Variants in LRRC3B observed in about 807,000 individuals in gnomAD.
The protein encoded by LRRC3B is leucine-rich repeat-containing protein 3B.
A neutral mutation model predicts 12.8 loss-of-function variants in LRRC3B; 2 were observed. The ratio of observed to expected loss-of-function variants is 0.16; its 90% CI spans 0.06 to 0.49. The LOEUF is 0.49. Among genes scored for constraint, LRRC3B ranks in the 20% least tolerant of loss-of-function variants. The pLI is 0.96. For synonymous variants in LRRC3B, 132 were observed against 122.0 expected (o/e 1.08, Z -0.54); for missense variants, 189 against 319.4 (o/e 0.59, Z 3.11).
At chr3:26,631,923 C>T (rs1287574478) in intron 1 of LRRC3B, among the ~76,000 whole-genome samples, 3 of 152,198 alleles carry the variant, frequency 2.0e-5, no homozygotes, top group Admixed American at 1.3e-4. Context: ...ATGTGTCTGA[C>T]ATTGTTTTAT....
chr3:26,704,324 G>T (rs1286300680), intron 1 of LRRC3B, among the ~76,000 whole-genome samples: 1 of 151,992 alleles, frequency 6.6e-6, no homozygotes, highest in Non-Finnish European at 1.5e-5. Context: ...TTGCTCGTAT[G>T]ACAAGAGTGC....
At chr3:26,645,951 C>T (rs1037881801) in intron 1 of LRRC3B, among the ~76,000 whole-genome samples, 1 of 152,124 alleles carries the variant, frequency 6.6e-6, no homozygotes, top group African/African-American at 2.4e-5. Context: ...GAAACTTGAC[C>T]ATTCTGCTGG....
At chr3:26,634,867 G>A (rs1292221995) in intron 1 of LRRC3B, among the ~76,000 whole-genome samples, 4 of 152,162 alleles carry the variant, frequency 2.6e-5, no homozygotes, top group African/African-American at 7.2e-5. Context: ...CATTGGGCCT[G>A]GTTAAAAGCT....
chr3:26,631,567 A>G (rs1294137779), intron 1 of LRRC3B, among the ~76,000 whole-genome samples: 1 of 152,192 alleles, frequency 6.6e-6, no homozygotes, highest in East Asian at 1.9e-4. Flanking sequence ...CATGTTATCC[A>G]GTGTTGGGAG....
chr3:26,704,782 T>C (rs919392941), intron 1 of LRRC3B, among the ~76,000 whole-genome samples: 1 of 152,184 alleles, frequency 6.6e-6, no homozygotes, highest in Non-Finnish European at 1.5e-5. Flanking sequence ...TGTTTTGTCA[T>C]TTGTTCTTTG....
At chr3:26,696,238 T>G (rs1196674028) in intron 1 of LRRC3B, among the ~76,000 whole-genome samples, 1 of 152,266 alleles carries the variant, frequency 6.6e-6, no homozygotes, top group African/African-American at 2.4e-5. Flanking sequence ...ACATGGCAAT[T>G]GTAAAATGAT....
intron 1 of LRRC3B, among the ~76,000 whole-genome samples, chr3:26,694,393 G>T (rs1267509947): frequency 6.6e-6 from 1 of 152,176 alleles, no homozygotes; most frequent in African/African-American, 2.4e-5. Context: ...GTCTCAGAAA[G>T]AGTGTTTTTC....
intron 1 of LRRC3B, among the ~76,000 whole-genome samples, chr3:26,673,580 AAAGAG>A (rs1699796849): frequency 6.6e-6 from 1 of 152,312 alleles, no homozygotes; most frequent in East Asian, 1.9e-4. Flanking sequence ...TTTGCCTATA[AAAGAG>A]AAGAGAATAT....
At chr3:26,685,505 CTCTCTCTCTCTCTCTCTCTATATATA>C (rs1183369965) in intron 1 of LRRC3B, among the ~76,000 whole-genome samples, 3 of 48,344 alleles carry the variant, frequency 6.2e-5, no homozygotes, top group Non-Finnish European at 1.2e-4. Flanking sequence ...CTCTCTCTCT[CTCTCTCTCTCTCTCTCTCTATATATA>C]TATATATATA....
chr3:26,679,013 ATAT>A (rs1388976092), intron 1 of LRRC3B, among the ~76,000 whole-genome samples: 2 of 152,238 alleles, frequency 1.3e-5, no homozygotes, highest in Non-Finnish European at 2.9e-5. Flanking sequence ...ATGAGAAAAG[ATAT>A]TATCAAATCC....
intron 1 of LRRC3B, among the ~76,000 whole-genome samples, chr3:26,688,784 G>C (rs1010589398): frequency 1.2e-4 from 19 of 152,126 alleles, no homozygotes; most frequent in African/African-American, 4.3e-4. Flanking sequence ...AATGAGATTT[G>C]AGTGGGGACA....
intron 1 of LRRC3B, chr3:26,694,825 G>A (rs1417030834): frequency 6.6e-6 from 1 of 152,144 alleles, no homozygotes; most frequent in Non-Finnish European, 1.5e-5. Context: ...CACTTAACAC[G>A]GAATAGGTTG....
Position 26,705,102 on chromosome 3 carries a change from GAAAT to G in LRRC3B, c.-160-4408_-160-4405del, listed in dbSNP as rs141999511. Among the ~76,000 whole-genome samples the G allele has an allele frequency of 3.5e-4, 54 of 152,228 alleles. No homozygotes were observed. In the East Asian group the frequency reaches 6.8e-3, roughly 19 times the overall value. On this transcript the variant is annotated intron_variant, in intron 1 of 1. Transcript: ENST00000396641. Reference sequence around the variant, plus strand: ...CCTATCATTTAATGATGAAAAGAAAGAAATAAGCAGAAAGACAGTTGTTAATCAG... The same window carrying G: ...CCTATCATTTAATGATGAAAAGAAAGAAGCAGAAAGACAGTTGTTAATCAG...
At chr3:26,685,517 CTCTCTCTATATATA>C (rs1361673061) in intron 1 of LRRC3B, among the ~76,000 whole-genome samples, 42 of 53,516 alleles carry the variant, frequency 7.8e-4, no homozygotes, top group African/African-American at 1.7e-3. Context: ...CTCTCTCTCT[CTCTCTCTATATATA>C]TATATATATA....
intron 1 of LRRC3B, among the ~76,000 whole-genome samples, chr3:26,661,045 G>C (rs1699481745): frequency 6.6e-6 from 1 of 152,032 alleles, no homozygotes; most frequent in African/African-American, 2.4e-5. Flanking sequence ...TTAGATATTT[G>C]AACAATTTGA....
At chr3:26,667,568 G>T (rs190263137) in intron 1 of LRRC3B, among the ~76,000 whole-genome samples, 1 of 152,254 alleles carries the variant, frequency 6.6e-6, no homozygotes, top group African/African-American at 2.4e-5. Context: ...CCAGTCTTCT[G>T]ACCTGGAAGG....
chr3:26,627,225 C>A (rs1006849647), intron 1 of LRRC3B, among the ~76,000 whole-genome samples: 1 of 152,164 alleles, frequency 6.6e-6, no homozygotes, highest in Admixed American at 6.5e-5. Context: ...CACCTCATGT[C>A]TTTTCTCTGT....
intron 1 of LRRC3B, among the ~76,000 whole-genome samples, chr3:26,627,077 A>T (rs537103502): frequency 1.4e-4 from 22 of 152,378 alleles, no homozygotes; most frequent in Non-Finnish European, 3.1e-4. Context: ...GAGGAAAAAT[A>T]GTTCTTTGTC....
intron 1 of LRRC3B, among the ~76,000 whole-genome samples, chr3:26,674,285 T>G (rs1699812628): frequency 6.6e-6 from 1 of 152,232 alleles, no homozygotes; most frequent in Non-Finnish European, 1.5e-5. Flanking sequence ...TGTTAAATAT[T>G]TTTTGTCGTG....
Sources: gnomAD v4.1 joint callset for allele counts (sites outside exome capture counted in the v4.1 genomes callset) on GRCh38, gnomAD v4.1.1 for gene constraint, MANE v1.5 for transcripts, NCBI Gene and HGNC (gene_info 2026-07-23, HGNC 2026-07-21) for gene names.